CCDC178: variants seen among roughly 807,000 people sequenced by gnomAD.
CCDC178 encodes the protein coiled-coil domain containing 178, also known as coiled-coil domain-containing protein 178.
Under a neutral mutation model 117.4 loss-of-function variants are expected in CCDC178, and 126 were observed. The ratio of observed to expected loss-of-function variants is 1.07; its 90% confidence interval spans 0.93 to 1.24. The LOEUF (loss-of-function observed/expected upper bound fraction) is 1.24, where lower values mean the gene tolerates loss of function less well. Ranked by LOEUF, CCDC178 falls within the 50% of genes most tolerant of loss-of-function variation. CCDC178 has a pLI of 0.00. For synonymous variants in CCDC178, 283 were observed against 313.4 expected (o/e 0.90, Z 1.02); for missense variants, 1,030 against 986.9 (o/e 1.04, Z -0.59).
intron 20 of CCDC178, among the ~76,000 whole-genome samples, chr18:33,203,481 T>C (rs1005435253): frequency 6.6e-6 from 1 of 152,198 alleles, no homozygotes; most frequent in Non-Finnish European, 1.5e-5. Context: ...CAAGATAATT[T>C]ACATAGTCAT....
intron 15 of CCDC178, among the ~76,000 whole-genome samples, chr18:33,240,827 G>C (rs1316181373): frequency 6.6e-6 from 1 of 151,822 alleles, no homozygotes; most frequent in Non-Finnish European, 1.5e-5. Flanking sequence ...AATTAAGGCA[G>C]AGAAAATTCT....
At chr18:33,273,161 C>T (rs72951098) in intron 12 of CCDC178, among the ~76,000 whole-genome samples, 10,411 of 151,356 alleles carry the variant, frequency 0.069, 555 homozygotes, top group African/African-American at 0.14. Flanking sequence ...AATGTATTTT[C>T]AAAAACTATA....
intron 21 of CCDC178, among the ~76,000 whole-genome samples, chr18:33,089,424 C>T (rs1273856095): frequency 6.6e-6 from 1 of 151,718 alleles, no homozygotes; most frequent in African/African-American, 2.4e-5. Flanking sequence ...TAGCAAATTC[C>T]CCAGGATTAT....
intron 20 of CCDC178, among the ~76,000 whole-genome samples, chr18:33,099,495 CG>C (rs1285690653): frequency 6.6e-6 from 1 of 151,916 alleles, no homozygotes; most frequent in Admixed American, 6.6e-5. Context: ...ACAAGACAAG[CG>C]GGCTCCAAGT....
intron 22 of CCDC178, among the ~76,000 whole-genome samples, chr18:32,955,436 T>C (rs76544781): frequency 1.3e-5 from 2 of 152,288 alleles, no homozygotes; most frequent in East Asian, 3.9e-4. Flanking sequence ...CACCTCTGCC[T>C]TTTTCTTTGT....
intron 6 of CCDC178, among the ~76,000 whole-genome samples, chr18:33,360,944 T>C (rs372218588): frequency 7.3e-5 from 11 of 151,618 alleles, no homozygotes; most frequent in African/African-American, 2.4e-4. Context: ...TTTAATGCCA[T>C]GTCGATAAAA....
chr18:33,322,363 G>T (rs1285057206), intron 11 of CCDC178, among the ~76,000 whole-genome samples: 1 of 151,806 alleles, frequency 6.6e-6, no homozygotes, highest in East Asian at 1.9e-4. Flanking sequence ...GTGGTATAAA[G>T]ATTAACCTCC....
chr18:33,347,905 G>A (rs1369279265), intron 8 of CCDC178, among the ~76,000 whole-genome samples: 1 of 151,492 alleles, frequency 6.6e-6, no homozygotes, highest in African/African-American at 2.4e-5. Context: ...TCATATTACT[G>A]TTCTAAGCAA....
chr18:33,309,756 T>G (rs1771578449), intron 11 of CCDC178, among the ~76,000 whole-genome samples: 1 of 152,060 alleles, frequency 6.6e-6, no homozygotes, highest in Non-Finnish European at 1.5e-5. Flanking sequence ...AATTTGGAGA[T>G]TAAAACTCAT....
At chr18:33,055,807 A>ATTT (rs111278278) in intron 21 of CCDC178, among the ~76,000 whole-genome samples, 1 of 140,370 alleles carries the variant, frequency 7.1e-6, no homozygotes. Flanking sequence ...TCAATGGATA[A>ATTT]TTTTTTTTTT....
chr18:33,207,684 T>TA lies in CCDC178; in HGVS notation c.2238+4211dup, dbSNP rs1405291484. Among the ~76,000 whole-genome samples, 4 of 151,774 alleles carry TA rather than the reference T, an allele frequency of 2.6e-5. No individual in the cohort carries two copies. The East Asian group carries it at 7.7e-4, about 29-fold the overall frequency. ...TCTAGGTAGTTAAAAAAATAAAAGC[T>TA]AAAAATGGTAGTTGATTGTCAATGC... On this transcript the variant is annotated intron_variant, in intron 20 of 22. Coordinates refer to ENST00000383096, the MANE Select transcript of CCDC178 (RefSeq NM_001105528.4).
At chr18:32,958,078 TTGGC>T in intron 22 of CCDC178, 1 of 364,782 alleles carries the variant, frequency 2.7e-6, no homozygotes, top group Non-Finnish European at 5.1e-6. Flanking sequence ...CAAGTCAGTG[TTGGC>T]AAATGATGGG....
intron 21 of CCDC178, among the ~76,000 whole-genome samples, chr18:32,982,143 T>A (rs1188414920): frequency 2.0e-5 from 3 of 152,066 alleles, no homozygotes; most frequent in Admixed American, 6.5e-5. Flanking sequence ...TGGATAAAAT[T>A]AAATCATTTT....
At chr18:32,970,299 A>G (rs540832946) in intron 22 of CCDC178, among the ~76,000 whole-genome samples, 1 of 152,086 alleles carries the variant, frequency 6.6e-6, no homozygotes, top group South Asian at 2.1e-4. Flanking sequence ...AATTGTTCCA[A>G]GGCCAAGGAT....
chr18:33,277,584 T>A (rs941927255), intron 12 of CCDC178, among the ~76,000 whole-genome samples: 1 of 152,124 alleles, frequency 6.6e-6, no homozygotes, highest in Middle Eastern at 3.2e-3. Context: ...GGGCTCTCCT[T>A]TAGTGGCTCT....
chr18:33,225,137 G>A (rs985832092), intron 16 of CCDC178, among the ~76,000 whole-genome samples: 9 of 150,126 alleles, frequency 6.0e-5, no homozygotes, highest in African/African-American at 2.2e-4. Context: ...AAATCTCATG[G>A]ATGTAATATA....
In CCDC178 at chr18:33,211,956, C is replaced by T. The variant is rs1259939305; in HGVS notation, c.2178G>A (p.Glu726=). ...EKKDCEERIF[E]EDQRFRVLLA... ...GGAGCACTCTAAATCTCTGATCTTC[C>T]TCAAAGATTCTCTCTTCACAGTCTT... Residue 726 remains glutamate, a synonymous_variant, in exon 20 of 23, where the codon GAG becomes GAA. Transcript: ENST00000383096. The T allele has an allele frequency of 1.2e-6, 2 of 1,609,326 alleles. No homozygotes were observed. Among genetic ancestry groups the T allele is most frequent in the Non-Finnish European group, 1.7e-6 (2 of 1,177,424 alleles).
intron 21 of CCDC178, among the ~76,000 whole-genome samples, chr18:33,084,001 C>T (rs1375392086): frequency 6.6e-6 from 1 of 152,156 alleles, no homozygotes; most frequent in African/African-American, 2.4e-5. Flanking sequence ...AAGCCTTGCA[C>T]CATTTTGTTG....
intron 21 of CCDC178, among the ~76,000 whole-genome samples, chr18:33,018,680 T>C (rs2056048758): frequency 6.6e-6 from 1 of 152,084 alleles, no homozygotes; most frequent in African/African-American, 2.4e-5. Context: ...ATATTAAATG[T>C]GCAGAATAGG....
Sources: allele counts gnomAD v4.1 joint callset (sites outside exome capture counted in the v4.1 genomes callset), GRCh38; gene constraint gnomAD v4.1.1; transcripts MANE v1.5; gene names NCBI Gene and HGNC (gene_info 2026-07-23, HGNC 2026-07-21).